The following LRRC4C variants were observed in gnomAD, a reference collection of about 807,000 sequenced individuals.
The protein encoded by LRRC4C is leucine-rich repeat-containing protein 4C.
In LRRC4C, 5 loss-of-function variants were observed where a neutral mutation model predicts 33.6. The ratio of observed to expected loss-of-function variants is 0.15; its 90% CI spans 0.08 to 0.31. The LOEUF (loss-of-function observed/expected upper bound fraction) is 0.31. Among genes scored for constraint, LRRC4C ranks in the 10% least tolerant of loss-of-function variants. LRRC4C has a pLI of 1.00. For synonymous variants in LRRC4C, 329 were observed against 302.0 expected, an observed-to-expected ratio of 1.09 and a Z score of -0.93; for missense variants, 560 against 796.7, an observed-to-expected ratio of 0.70 and a Z score of 3.58.
At chr11:40,707,068 T>C (rs1018040758) in intron 2 of LRRC4C, among the ~76,000 whole-genome samples, 6 of 152,244 alleles carry the variant, frequency 3.9e-5, no homozygotes, top group African/African-American at 1.4e-4. Context: ...TTTTGTATCC[T>C]GAGACTTTGT....
At chr11:41,171,028 G>T (rs1490387448) in intron 1 of LRRC4C, among the ~76,000 whole-genome samples, 1 of 152,064 alleles carries the variant, frequency 6.6e-6, no homozygotes, top group Non-Finnish European at 1.5e-5. Context: ...GGCCATCAGA[G>T]AAATGCAAAT....
chr11:41,414,786 T>G (rs946036949), intron 1 of LRRC4C, among the ~76,000 whole-genome samples: 6 of 152,046 alleles, frequency 3.9e-5, no homozygotes, highest in Non-Finnish European at 8.8e-5. Flanking sequence ...GTGCTATACG[T>G]CATTAGTCTC....
Position 40,116,035 on chromosome 11 carries a change from G to A in LRRC4C, c.258C>T (p.Asn86=). 1 of 1,614,084 alleles carries A rather than the reference G, an allele frequency of 6.2e-7. No individual in the cohort carries two copies. The highest frequency in any genetic ancestry group is 8.5e-7 in the Non-Finnish European group (1 of 1,180,008). Residue 86 remains asparagine, a synonymous_variant, in exon 7 of 7, where the codon AAC becomes AAT. Transcript: ENST00000528697. ...TGTTCACTTTGATGATCTGGATTTG[G>A]TTCTCATGGAGGTTCAGCAGCCGTG... ...TNTRLLNLHE[N]QIQIIKVNSF... is the part of the protein sequence containing the mutation.
intron 2 of LRRC4C, among the ~76,000 whole-genome samples, chr11:40,874,136 T>A (rs1954774131): frequency 6.6e-6 from 1 of 152,184 alleles, no homozygotes; most frequent in Non-Finnish European, 1.5e-5. Context: ...CCAAGGAGAT[T>A]TAAACCATCT....
intron 1 of LRRC4C, among the ~76,000 whole-genome samples, chr11:41,188,694 A>AG (rs1179098948): frequency 7.7e-6 from 1 of 129,840 alleles, no homozygotes; most frequent in Non-Finnish European, 1.7e-5. Flanking sequence ...GAAAGAGAGG[A>AG]GAAAAAGAAG....
At chr11:41,427,995 ACAACCCCACCCCTATCT>A (rs1247796852) in intron 1 of LRRC4C, among the ~76,000 whole-genome samples, 2 of 151,890 alleles carry the variant, frequency 1.3e-5, no homozygotes, top group Non-Finnish European at 2.9e-5. Flanking sequence ...ATCCTATAAA[ACAACCCCACCCCTATCT>A]CCCTTCGCTG....
intron 2 of LRRC4C, among the ~76,000 whole-genome samples, chr11:40,703,573 CAGAG>C (rs1256624731): frequency 2.0e-5 from 3 of 151,980 alleles, no homozygotes; most frequent in Middle Eastern, 3.4e-3. Context: ...AAGAGAGAGA[CAGAG>C]AGAGCTTTAC....
chr11:40,673,193 T>A (rs1269663078), intron 2 of LRRC4C, among the ~76,000 whole-genome samples: 2 of 152,142 alleles, frequency 1.3e-5, no homozygotes, highest in African/African-American at 2.4e-5. Flanking sequence ...TCTTACATGA[T>A]CCTTACATAA....
chr11:40,881,532 T>A (rs946784854), intron 2 of LRRC4C, among the ~76,000 whole-genome samples: 1 of 152,152 alleles, frequency 6.6e-6, no homozygotes, highest in East Asian at 1.9e-4. Flanking sequence ...ACTGTTCCTG[T>A]GATTTATATT....
intron 2 of LRRC4C, among the ~76,000 whole-genome samples, chr11:40,929,081 C>T (rs74893288): frequency 0.06 from 9,199 of 152,260 alleles, 392 homozygotes; most frequent in Admixed American, 0.15. Context: ...TGTTTCTCTT[C>T]TGAATTCTTC....
At chr11:41,313,012 A>G (rs1292875948) in intron 1 of LRRC4C, among the ~76,000 whole-genome samples, 1 of 152,224 alleles carries the variant, frequency 6.6e-6, no homozygotes, top group Non-Finnish European at 1.5e-5. Context: ...GGCAGTAATT[A>G]ACTTTACCTC....
At chr11:40,121,213 C>T (rs995503572) in intron 6 of LRRC4C, among the ~76,000 whole-genome samples, 1 of 152,232 alleles carries the variant, frequency 6.6e-6, no homozygotes, top group Admixed American at 6.5e-5. Flanking sequence ...AAGGTATATG[C>T]ATCTATTCTT....
At chr11:40,651,988 T>C (rs1942832747) in intron 2 of LRRC4C, among the ~76,000 whole-genome samples, 1 of 152,244 alleles carries the variant, frequency 6.6e-6, no homozygotes, top group Admixed American at 6.5e-5. Flanking sequence ...TGATTTTAAC[T>C]TTTTTGAATT....
chr11:41,362,963 G>C (rs909915753), intron 1 of LRRC4C, among the ~76,000 whole-genome samples: 2 of 152,010 alleles, frequency 1.3e-5, no homozygotes, highest in South Asian at 4.1e-4. Context: ...CTTTTACCAT[G>C]TAAGGTAACA....
chr11:40,749,825 T>A (rs545170870), intron 2 of LRRC4C, among the ~76,000 whole-genome samples: 1 of 151,792 alleles, frequency 6.6e-6, no homozygotes, highest in Non-Finnish European at 1.5e-5. Flanking sequence ...ACCACGGAAA[T>A]ACAGAAGACC....
At chr11:40,117,017 A>G (rs1159082914) in intron 6 of LRRC4C, among the ~76,000 whole-genome samples, 1 of 152,210 alleles carries the variant, frequency 6.6e-6, no homozygotes, top group Non-Finnish European at 1.5e-5. Context: ...TCCTTACAAC[A>G]CTTCTCTGAA....
At chr11:40,238,816 C>A (rs1267246918) in intron 5 of LRRC4C, among the ~76,000 whole-genome samples, 14 of 152,148 alleles carry the variant, frequency 9.2e-5, no homozygotes, top group South Asian at 2.1e-4. Flanking sequence ...ATTTTATTTG[C>A]TAAGGAGGTA....
intron 2 of LRRC4C, among the ~76,000 whole-genome samples, chr11:40,687,031 C>T (rs191850121): frequency 4.7e-4 from 72 of 152,172 alleles, no homozygotes; most frequent in Non-Finnish European, 6.6e-4. Context: ...ACCCACATTA[C>T]GGTTTGAGAA....
rs149388885 is a variant in LRRC4C, at chr11:40,271,538, G to A, written c.-175-29940C>T. On this transcript the variant is annotated intron_variant, in intron 4 of 6. Coordinates refer to ENST00000528697, the MANE Select transcript of LRRC4C (RefSeq NM_001258419.2). ...GACATTTAATAACTTGTGCTGAACT[G>A]AACTATGTCAAATGTGCTCAGTTAT... Among the ~76,000 whole-genome samples the A allele has an allele frequency of 2.3e-3, 349 of 152,250 alleles. 4 individuals carry two copies. The highest frequency in any genetic ancestry group is 7.6e-3 in the African/African-American group (316 of 41,562).
Sources: allele counts gnomAD v4.1 joint callset (sites outside exome capture counted in the v4.1 genomes callset), GRCh38; gene constraint gnomAD v4.1.1; transcripts MANE v1.5; gene names NCBI Gene and HGNC (gene_info 2026-07-23, HGNC 2026-07-21).